ARID2: variants seen among roughly 807,000 people sequenced by gnomAD.
ARID2 encodes AT-rich interaction domain 2, also known as AT-rich interactive domain-containing protein 2.
Under a neutral mutation model 184.6 loss-of-function variants are expected in ARID2, and 32 were observed. The ratio of observed to expected loss-of-function variants is 0.17; its 90% CI spans 0.13 to 0.23. ARID2 has a LOEUF of 0.23. Among genes scored for constraint, ARID2 ranks in the 10% least tolerant of loss-of-function variants. ARID2 has a pLI of 1.00. For synonymous variants in ARID2, 836 were observed against 772.6 expected (o/e 1.08, Z -1.36); for missense variants, 1,696 against 2,197.6 (o/e 0.77, Z 4.56).
At chr12:45,794,627 G>C (rs1365367867) in intron 3 of ARID2, among the ~76,000 whole-genome samples, 1 of 152,148 alleles carries the variant, frequency 6.6e-6, no homozygotes, top group African/African-American at 2.4e-5. Flanking sequence ...ACCAGGGATA[G>C]CTCCCGGTGT....
chr12:45,832,568 G>A (rs902916213), intron 6 of ARID2, among the ~76,000 whole-genome samples: 1 of 151,736 alleles, frequency 6.6e-6, no homozygotes, highest in Non-Finnish European at 1.5e-5. Context: ...CCTTGAACAC[G>A]TGAGTTCAAG....
Position 45,803,540 on chromosome 12 carries a change from G to A in ARID2, c.285-7878G>A, listed in dbSNP as rs185999218. On this transcript the variant is annotated intron_variant, in intron 3 of 20. Transcript: ENST00000334344. ...TTGTAAGCATATTGCAAAGCATCACGTAACAAAAAGTACAGCATTAACCTA... is the reference window on the plus strand; with the variant it reads ...TTGTAAGCATATTGCAAAGCATCACATAACAAAAAGTACAGCATTAACCTA... Among the ~76,000 whole-genome samples the A allele has an allele frequency of 2.4e-3, 364 of 152,180 alleles. 4 individuals are homozygous for A. The highest frequency in any genetic ancestry group is 8.0e-3 in the African/African-American group (333 of 41,532).
intron 3 of ARID2, among the ~76,000 whole-genome samples, chr12:45,765,084 A>G (rs1941746405): frequency 6.6e-6 from 1 of 152,168 alleles, no homozygotes; most frequent in African/African-American, 2.4e-5. Context: ...TTTAATTTAC[A>G]TTTCCCTAAA....
At chr12:45,730,473 C>G (rs1940965503) in intron 2 of ARID2, among the ~76,000 whole-genome samples, 1 of 150,638 alleles carries the variant, frequency 6.6e-6, no homozygotes, top group African/African-American at 2.4e-5. Flanking sequence ...CCGCCCCGCT[C>G]CCGCGCCGCC....
rs71067909 is a variant in ARID2, at chr12:45,901,154, A to ATTTTTTTTTTTTTTTTTTTTTT, written c.5364-3767_5364-3746dup. Among the ~76,000 whole-genome samples, 2 of 44,972 alleles carry ATTTTTTTTTTTTTTTTTTTTTT rather than the reference A, an allele frequency of 4.4e-5. 1 individual carries two copies. Among genetic ancestry groups the ATTTTTTTTTTTTTTTTTTTTTT allele is most frequent in the African/African-American group, 2.8e-4 (2 of 7,130 alleles). The allele number at this position is 44,972 out of a possible 152,430, so 29.5% of individuals were successfully genotyped here. Reference sequence around the variant, plus strand: ...AATCTATTTTTTGGAAATTTCCTTAATTTTTTTTTTTTTTTTTTTTTTTTT... The same window carrying ATTTTTTTTTTTTTTTTTTTTTT: ...AATCTATTTTTTGGAAATTTCCTTAATTTTTTTTTTTTTTTTTTTTTTTTTTTTTTTTTTTTTTTTTTTTTTT... On this transcript the variant is annotated intron_variant, in intron 20 of 20. Coordinates refer to ENST00000334344, the MANE Select transcript of ARID2 (RefSeq NM_152641.4).
At chr12:45,782,813 A>G (rs1394004892) in intron 3 of ARID2, among the ~76,000 whole-genome samples, 3 of 151,944 alleles carry the variant, frequency 2.0e-5, no homozygotes, top group Non-Finnish European at 4.4e-5. Flanking sequence ...AAAAAACTTA[A>G]GAAGTGAAAA....
At chr12:45,742,190 C>T (rs946691864) in intron 3 of ARID2, among the ~76,000 whole-genome samples, 3 of 152,194 alleles carry the variant, frequency 2.0e-5, no homozygotes, top group African/African-American at 7.2e-5. Context: ...TACAGACATG[C>T]ACTGCATAAA....
chr12:45,856,735 A>C (rs966203682), intron 15 of ARID2, among the ~76,000 whole-genome samples: 1 of 152,228 alleles, frequency 6.6e-6, no homozygotes, highest in African/African-American at 2.4e-5. Context: ...ACAGAAAAAA[A>C]TAGCAACAAG....
At chr12:45,859,014 A>G (rs1333197420) in intron 15 of ARID2, among the ~76,000 whole-genome samples, 1 of 152,114 alleles carries the variant, frequency 6.6e-6, no homozygotes, top group Non-Finnish European at 1.5e-5. Flanking sequence ...TTTCATTTGT[A>G]TGTCATAGTA....
intron 16 of ARID2, among the ~76,000 whole-genome samples, chr12:45,866,082 T>C (rs1451532877): frequency 6.6e-6 from 1 of 152,124 alleles, no homozygotes; most frequent in African/African-American, 2.4e-5. Context: ...ATGTATACTT[T>C]GTTTCTTATT....
intron 15 of ARID2, among the ~76,000 whole-genome samples, chr12:45,854,223 T>A (rs1943605009): frequency 2.0e-5 from 3 of 152,158 alleles, no homozygotes; most frequent in Non-Finnish European, 4.4e-5. Flanking sequence ...GAGCCCCCAA[T>A]GATTCTACAT....
chr12:45,881,486 TTTC>T (rs1944097790), intron 16 of ARID2: 1 of 152,886 alleles, frequency 6.5e-6, no homozygotes, highest in South Asian at 2.1e-4. Flanking sequence ...TGGACTTCAG[TTTC>T]TTCTTTGCTG....
At chr12:45,875,555 T>A (rs912756491) in intron 16 of ARID2, among the ~76,000 whole-genome samples, 1 of 152,218 alleles carries the variant, frequency 6.6e-6, no homozygotes, top group Non-Finnish European at 1.5e-5. Context: ...GCTATGAAAG[T>A]CCTAGACCTA....
intron 3 of ARID2, among the ~76,000 whole-genome samples, chr12:45,759,933 T>C (rs1349090519): frequency 6.6e-6 from 1 of 152,198 alleles, no homozygotes; most frequent in Non-Finnish European, 1.5e-5. Context: ...GTATATGATA[T>C]TATTTGATAG....
intron 3 of ARID2, among the ~76,000 whole-genome samples, chr12:45,778,983 T>G (rs894779361): frequency 4.6e-5 from 7 of 152,180 alleles, no homozygotes; most frequent in African/African-American, 1.7e-4. Flanking sequence ...TTTATTAGTT[T>G]TTTAACCTAT....
intron 4 of ARID2, among the ~76,000 whole-genome samples, chr12:45,817,237 C>T (rs1169603985): frequency 6.6e-6 from 1 of 152,046 alleles, no homozygotes; most frequent in Non-Finnish European, 1.5e-5. Flanking sequence ...TCCTGTAGTC[C>T]TAGCTACTCA....
chr12:45,879,436 C>T (rs1944065650), intron 16 of ARID2, among the ~76,000 whole-genome samples: 1 of 152,196 alleles, frequency 6.6e-6, no homozygotes, highest in Admixed American at 6.5e-5. Context: ...AGGTAATTCA[C>T]ACAAAAGTAT....
At chr12:45,736,451 C>G (rs1411910324) in intron 3 of ARID2, among the ~76,000 whole-genome samples, 1 of 151,680 alleles carries the variant, frequency 6.6e-6, no homozygotes, top group Non-Finnish European at 1.5e-5. Context: ...ACAGTTTTAA[C>G]TGCATTTCAT....
chr12:45,847,568 A>C (rs1943465764), intron 12 of ARID2, among the ~76,000 whole-genome samples: 1 of 152,094 alleles, frequency 6.6e-6, no homozygotes, highest in Non-Finnish European at 1.5e-5. Context: ...CATTAGTATG[A>C]AGTTCGGCTT....
Sources: gnomAD v4.1 joint callset for allele counts (sites outside exome capture counted in the v4.1 genomes callset) on GRCh38, gnomAD v4.1.1 for gene constraint, MANE v1.5 for transcripts, NCBI Gene and HGNC (gene_info 2026-07-23, HGNC 2026-07-21) for gene names.